The following SFMBT1 variants were observed in gnomAD, a reference collection of about 807,000 sequenced individuals.
SFMBT1 encodes the protein Scm like with four mbt domains 1.
In SFMBT1, 32 loss-of-function variants were observed where a neutral mutation model predicts 108.7. The observed-to-expected ratio is 0.29, with a 90% CI of 0.22 to 0.40. The LOEUF is 0.40. Among genes scored for constraint, SFMBT1 ranks in the 10% least tolerant of loss-of-function variants. The pLI is 1.00. For missense variants in SFMBT1, 816 were observed against 1,059.6 expected (o/e 0.77, Z 3.19); for synonymous variants, 348 against 369.5 (o/e 0.94, Z 0.67).
chr3:52,914,563 A>AAAAAAC (rs149411271), intron 14 of SFMBT1, among the ~76,000 whole-genome samples: 3 of 151,526 alleles, frequency 2.0e-5, no homozygotes, highest in African/African-American at 4.9e-5. Flanking sequence ...CCATCTCTAC[A>AAAAAAC]AAAAACAAAA....
intron 2 of SFMBT1, among the ~76,000 whole-genome samples, chr3:52,968,587 T>C (rs1704226864): frequency 6.8e-6 from 1 of 146,220 alleles, no homozygotes; most frequent in Non-Finnish European, 1.5e-5. Context: ...AAGAAGTCTG[T>C]TCAAAACAGT....
intron 1 of SFMBT1, among the ~76,000 whole-genome samples, chr3:52,995,615 G>C (rs1245714490): frequency 6.7e-6 from 1 of 149,850 alleles, no homozygotes; most frequent in Non-Finnish European, 1.5e-5. Flanking sequence ...TGCCAGGCTG[G>C]TCTCAAACTC....
Position 52,913,684 on chromosome 3 carries a change from T to A in SFMBT1, c.1481-67A>T, listed in dbSNP as rs184861812. 5 of 1,557,316 alleles carry A rather than the reference T, an allele frequency of 3.2e-6. No individual in the cohort carries two copies. In the East Asian group the frequency reaches 1.1e-4, roughly 35 times the overall value. ...CTACCCCACGTTTCCAAAGCTGAACTGCCAGGGAAGAAAAACGAAGCACAT... is the reference window on the plus strand; with the variant it reads ...CTACCCCACGTTTCCAAAGCTGAACAGCCAGGGAAGAAAAACGAAGCACAT... On this transcript the variant is annotated intron_variant, in intron 14 of 20. Coordinates refer to ENST00000394752, the MANE Select transcript of SFMBT1 (RefSeq NM_016329.4).
chr3:52,979,297 T>C (rs768943954), intron 1 of SFMBT1, among the ~76,000 whole-genome samples: 18 of 152,248 alleles, frequency 1.2e-4, no homozygotes, highest in Non-Finnish European at 2.2e-4. Flanking sequence ...GGTAATGTTA[T>C]GCTTTAACAG....
chr3:53,018,450 C>A (rs1413703104), intron 1 of SFMBT1, among the ~76,000 whole-genome samples: 3 of 151,954 alleles, frequency 2.0e-5, no homozygotes, highest in Non-Finnish European at 4.4e-5. Context: ...TAACCTAGAA[C>A]CTTCAGTTAG....
intron 1 of SFMBT1, among the ~76,000 whole-genome samples, chr3:53,041,313 A>G (rs1700044801): frequency 6.6e-6 from 1 of 152,134 alleles, no homozygotes; most frequent in Non-Finnish European, 1.5e-5. Flanking sequence ...TGATTTTTCT[A>G]TTAATAATGT....
intron 1 of SFMBT1, among the ~76,000 whole-genome samples, chr3:52,973,342 G>A (rs1704413230): frequency 6.6e-6 from 1 of 152,116 alleles, no homozygotes; most frequent in East Asian, 1.9e-4. Context: ...TAGATATTTG[G>A]AGGGGGTTCT....
chr3:53,016,480 G>C (rs1015659679), intron 1 of SFMBT1, among the ~76,000 whole-genome samples: 2 of 152,204 alleles, frequency 1.3e-5, no homozygotes, highest in African/African-American at 4.8e-5. Context: ...TACGTACTCA[G>C]TGACAGTGGG....
rs1019428725 is a variant in SFMBT1, at chr3:53,000,339, A to G, written c.-130-31081T>C. 1.0e-4 allele frequency among the ~76,000 whole-genome samples: 15 copies of G among 149,518 alleles called. 2 individuals carry two copies. Among genetic ancestry groups the G allele is most frequent in the Admixed American group, 2.0e-4 (3 of 14,736 alleles). On this transcript the variant is annotated intron_variant, in intron 1 of 20. Transcript: ENST00000394752. ...ATTTTGTTTATGTTTCAACAACAAC[A>G]AAGAGGACTTAATGTCTGGCACACT...
chr3:52,993,337 AAAG>A (rs1698189466), intron 1 of SFMBT1, among the ~76,000 whole-genome samples: 1 of 150,224 alleles, frequency 6.7e-6, no homozygotes, highest in South Asian at 2.1e-4. Flanking sequence ...ATTACACGTA[AAAG>A]TCCATTTTAA....
intron 9 of SFMBT1, 144 bp downstream of exon 9, chr3:52,928,047 C>T: frequency 1.0e-6 from 1 of 1,003,860 alleles, no homozygotes; most frequent in Non-Finnish European, 1.4e-6. Flanking sequence ...TAGACCTTTC[C>T]TTATACTTTT....
chr3:53,011,497 T>C (rs1698941342), intron 1 of SFMBT1, among the ~76,000 whole-genome samples: 1 of 152,118 alleles, frequency 6.6e-6, no homozygotes, highest in South Asian at 2.1e-4. Flanking sequence ...AAGTGACATA[T>C]ACTCAGTTAA....
chr3:52,981,145 A>G (rs1306598523), intron 1 of SFMBT1, among the ~76,000 whole-genome samples: 1 of 151,294 alleles, frequency 6.6e-6, no homozygotes, highest in Admixed American at 6.6e-5. Context: ...ATGGGCAACA[A>G]GAGCGAAATT....
At chr3:52,916,274 G>C in intron 13 of SFMBT1, 60 bp from the exon 14 acceptor site, 1 of 1,479,646 alleles carries the variant, frequency 6.8e-7, no homozygotes, top group Admixed American at 1.7e-5. Context: ...AAAGTGTGAG[G>C]CTTAGTTTCC....
At chr3:53,005,456 G>A (rs150251686) in intron 1 of SFMBT1, among the ~76,000 whole-genome samples, 2 of 152,182 alleles carry the variant, frequency 1.3e-5, no homozygotes, top group Admixed American at 6.5e-5. Flanking sequence ...AGGACTACAG[G>A]TGCATGCCAG....
Position 53,001,294 on chromosome 3 carries a change from G to A in SFMBT1, c.-130-32036C>T, listed in dbSNP as rs531815308. Among the ~76,000 whole-genome samples, 27 of 150,260 alleles carry A rather than the reference G, an allele frequency of 1.8e-4. 2 individuals carry two copies. Among genetic ancestry groups the A allele is most frequent in the African/African-American group, 6.5e-4 (27 of 41,400 alleles). ...GATTTTCTTTTAGTTAGCTAGGTGT[G>A]GTGATTCACATCTGCAGTCCTAGCT... On this transcript the variant is annotated intron_variant, in intron 1 of 20. Coordinates refer to ENST00000394752, the MANE Select transcript of SFMBT1 (RefSeq NM_016329.4).
At chr3:52,972,213 C>T (rs1196625797) in intron 1 of SFMBT1, among the ~76,000 whole-genome samples, 2 of 152,132 alleles carry the variant, frequency 1.3e-5, no homozygotes, top group Admixed American at 1.3e-4. Context: ...CCACAAAGTA[C>T]AAAAATAATA....
At chr3:52,914,697 T>TCACTG (rs1302358271) in intron 14 of SFMBT1, among the ~76,000 whole-genome samples, 1 of 152,134 alleles carries the variant, frequency 6.6e-6, no homozygotes, top group Non-Finnish European at 1.5e-5. Flanking sequence ...TGAGCTGATA[T>TCACTG]CACTGCACTG....
intron 2 of SFMBT1, among the ~76,000 whole-genome samples, chr3:52,965,443 CTTAAAA>C (rs1300789792): frequency 6.7e-6 from 1 of 149,456 alleles, no homozygotes; most frequent in Non-Finnish European, 1.5e-5. Flanking sequence ...AAAAAAAAAT[CTTAAAA>C]TTAACAACAG....
Sources: allele counts gnomAD v4.1 joint callset (sites outside exome capture counted in the v4.1 genomes callset), GRCh38; gene constraint gnomAD v4.1.1; transcripts MANE v1.5; gene names NCBI Gene and HGNC (gene_info 2026-07-23, HGNC 2026-07-21).